TXNDC12: variants seen among roughly 807,000 people sequenced by gnomAD.
The protein encoded by TXNDC12 is thioredoxin domain-containing protein 12.
Under a neutral mutation model 24.2 loss-of-function variants are expected in TXNDC12, and 22 were observed. The ratio of observed to expected loss-of-function variants is 0.91; its 90% CI spans 0.65 to 1.30. The LOEUF is 1.30. Ranked by LOEUF, TXNDC12 falls within the 50% of genes most tolerant of loss-of-function variation. The pLI, the probability that TXNDC12 is intolerant of heterozygous loss-of-function variation, is 0.00. For missense variants in TXNDC12, 184 were observed against 205.8 expected (o/e 0.89, Z 0.65); for synonymous variants, 58 against 73.4 (o/e 0.79, Z 1.07).
At chr1:52,049,933 A>G (rs972044081) in intron 1 of TXNDC12, among the ~76,000 whole-genome samples, 4 of 152,252 alleles carry the variant, frequency 2.6e-5, no homozygotes, top group African/African-American at 9.6e-5. Context: ...ATGCTTTTAT[A>G]TGTGTTAACT....
upstream of TXNDC12, chr1:52,056,150 T>TG: frequency 6.6e-6 from 1 of 152,430 alleles, no homozygotes; most frequent in South Asian, 2.1e-4. Context: ...CGCGGCCACC[T>TG]GCACCTGCCG....
chr1:52,025,104 C>A (rs911338051), intron 4 of TXNDC12, among the ~76,000 whole-genome samples: 3 of 152,194 alleles, frequency 2.0e-5, no homozygotes, highest in Non-Finnish European at 4.4e-5. Context: ...CTAGTACCTA[C>A]ATCATTGACT....
At chr1:52,027,254 G>A (rs758463720) in intron 4 of TXNDC12, 21 bp downstream of exon 4, 3 of 1,562,212 alleles carry the variant, frequency 1.9e-6, no homozygotes, top group Non-Finnish European at 8.8e-7. Context: ...TAGCAGAAAG[G>A]AGAAACTCTC....
At chr1:52,026,627 T>C (rs539077855) in intron 4 of TXNDC12, among the ~76,000 whole-genome samples, 1 of 152,336 alleles carries the variant, frequency 6.6e-6, no homozygotes, top group African/African-American at 2.4e-5. Flanking sequence ...AGGCTGGGCA[T>C]GCTGGCTCAC....
intron 2 of TXNDC12, among the ~76,000 whole-genome samples, chr1:52,040,730 G>C (rs2124381699): frequency 6.6e-6 from 1 of 152,196 alleles, no homozygotes; most frequent in South Asian, 2.1e-4. Flanking sequence ...GACCTGTGCA[G>C]TTCAAACCCA....
At chr1:52,038,513 T>C (rs1685925671) in intron 2 of TXNDC12, among the ~76,000 whole-genome samples, 2 of 152,146 alleles carry the variant, frequency 1.3e-5, no homozygotes, top group Non-Finnish European at 2.9e-5. Flanking sequence ...GGTTTCACCA[T>C]GTTGGCCAGG....
chr1:52,023,475 T>A lies in TXNDC12; in HGVS notation c.439+16A>T, dbSNP rs780030268. On this transcript the variant is annotated intron_variant, in intron 6 of 6. Coordinates refer to ENST00000371626, the MANE Select transcript of TXNDC12 (RefSeq NM_015913.4). ...CAATCTAGCAATAATCCTCCCTCCC[T>A]TCAGCATAACTATACCTTGCTCGGC... 22 of 1,604,124 alleles carry A rather than the reference T, an allele frequency of 1.4e-5. No homozygotes were observed. In the Middle Eastern group the frequency reaches 6.6e-4, roughly 48 times the overall value.
At chr1:52,021,560 CA>C (rs901244160) in intron 6 of TXNDC12, among the ~76,000 whole-genome samples, 1,584 of 55,648 alleles carry the variant, frequency 0.028, 40 homozygotes, top group East Asian at 0.22. Context: ...GTTCTCAGGC[CA>C]AAAAAAAAAA....
rs1159386587 is a variant in TXNDC12, at chr1:52,027,351, G to A, written c.212-3C>T. On this transcript the variant is annotated splice_region_variant and splice_polypyrimidine_tract_variant and intron_variant, in intron 3 of 6. Transcript: ENST00000371626. Reference sequence around the variant, plus strand: ...TTCTGCAAATTTGGGCTTTAGAGCTGGGGGGAAAAAGATTTTGGAATAGAA... The same window carrying A: ...TTCTGCAAATTTGGGCTTTAGAGCTAGGGGGAAAAAGATTTTGGAATAGAA... 4 of 1,605,248 alleles carry A rather than the reference G, an allele frequency of 2.5e-6. No homozygotes were observed. Among genetic ancestry groups the A allele is most frequent in the Non-Finnish European group, 3.4e-6 (4 of 1,173,228 alleles).
chr1:52,052,912 C>A (rs776990605), intron 1 of TXNDC12, among the ~76,000 whole-genome samples: 30 of 151,956 alleles, frequency 2.0e-4, no homozygotes, highest in Non-Finnish European at 4.3e-4. Flanking sequence ...AGAAACTTGC[C>A]CAAGGCTACT....
chr1:52,021,572 A>AC (rs1339169796), intron 6 of TXNDC12, among the ~76,000 whole-genome samples: 1 of 151,582 alleles, frequency 6.6e-6, no homozygotes, highest in East Asian at 1.9e-4. Flanking sequence ...AAAAAAAAAA[A>AC]AAAAAAAAAG....
At chr1:52,022,704 G>A (rs1247003273) in intron 6 of TXNDC12, among the ~76,000 whole-genome samples, 5 of 140,996 alleles carry the variant, frequency 3.5e-5, no homozygotes, top group East Asian at 2.3e-4. Context: ...AATGGCGCAC[G>A]ATCTTGGCTC....
chr1:52,037,268 A>G (rs1685900609), intron 2 of TXNDC12, among the ~76,000 whole-genome samples: 1 of 146,890 alleles, frequency 6.8e-6, no homozygotes, highest in East Asian at 2.0e-4. Context: ...GCTGGAATGC[A>G]ATGGCACGAT....
intron 2 of TXNDC12, among the ~76,000 whole-genome samples, chr1:52,035,664 A>C (rs879700829): frequency 6.6e-6 from 1 of 152,134 alleles, no homozygotes; most frequent in Admixed American, 6.5e-5. Context: ...GTGAGCCTAG[A>C]TCGCACCACT....
intron 2 of TXNDC12, chr1:52,032,414 C>A: frequency 8.5e-7 from 1 of 1,182,468 alleles, no homozygotes; most frequent in Non-Finnish European, 1.0e-6. Flanking sequence ...TCTGTGATAG[C>A]CCAAGTAGGA....
chr1:52,023,363 C>T lies in TXNDC12; in HGVS notation c.439+128G>A, dbSNP rs79222858. 1.9e-4 allele frequency: 138 copies of T among 719,768 alleles called. 1 individual carries two copies. In the East Asian group the frequency reaches 2.8e-3, roughly 14 times the overall value. 44.6% of individuals were successfully genotyped at this position (719,768 alleles called of 1,614,324 possible). The stretch of plus-strand genomic sequence containing the variant: ...TCCTATATCCTACACAGGATCTGGC[C>T]AAAAGCTATAGACATGCAGGAGATG... On this transcript the variant is annotated intron_variant, in intron 6 of 6. Transcript: ENST00000371626.
At chr1:52,047,331 T>G (rs1686115101) in intron 1 of TXNDC12, among the ~76,000 whole-genome samples, 1 of 152,170 alleles carries the variant, frequency 6.6e-6, no homozygotes, top group Non-Finnish European at 1.5e-5. Context: ...TTCTGTCTTC[T>G]GGTAAAGAGG....
intron 6 of TXNDC12, among the ~76,000 whole-genome samples, chr1:52,021,436 T>G (rs958372518): frequency 6.6e-6 from 1 of 150,640 alleles, no homozygotes; most frequent in Non-Finnish European, 1.5e-5. Flanking sequence ...TTGCACTTAT[T>G]TTACTTCCTG....
At chr1:52,031,615 C>A (rs1412179867) in intron 2 of TXNDC12, among the ~76,000 whole-genome samples, 1 of 152,112 alleles carries the variant, frequency 6.6e-6, no homozygotes, top group African/African-American at 2.4e-5. Context: ...GCCTCAGCCT[C>A]CAGAGTAGCT....
Sources: gnomAD v4.1 joint callset for allele counts (sites outside exome capture counted in the v4.1 genomes callset) on GRCh38, gnomAD v4.1.1 for gene constraint, MANE v1.5 for transcripts, NCBI Gene and HGNC (gene_info 2026-07-23, HGNC 2026-07-21) for gene names.